LRTM1: variants seen among roughly 807,000 people sequenced by gnomAD.
LRTM1 encodes the protein leucine-rich repeat and transmembrane domain-containing protein 1.
A neutral mutation model predicts 32.4 loss-of-function variants in LRTM1; 38 were observed. The observed-to-expected ratio is 1.17, with a 90% CI of 0.91 to 1.54. LRTM1 has a LOEUF of 1.54. Ranked by LOEUF, LRTM1 falls within the 40% of genes most tolerant of loss-of-function variation. The pLI, the probability that LRTM1 is intolerant of heterozygous loss-of-function variation, is 0.00. For missense variants in LRTM1, 466 were observed against 415.4 expected (o/e 1.12, Z -1.06); for synonymous variants, 186 against 169.9 (o/e 1.09, Z -0.74).
intron 1 of LRTM1, among the ~76,000 whole-genome samples, chr3:54,933,807 A>G (rs773024967): frequency 8.7e-5 from 13 of 148,800 alleles, no homozygotes; most frequent in Non-Finnish European, 1.3e-4. Flanking sequence ...CATCCAGGCC[A>G]CTGCAGGCTA....
At chr3:54,926,500 TCAAATA>T (rs1701022099) in intron 1 of LRTM1, among the ~76,000 whole-genome samples, 1 of 111,084 alleles carries the variant, frequency 9.0e-6, no homozygotes, top group Non-Finnish European at 1.8e-5. Context: ...CCACTGCCTG[TCAAATA>T]CACACACACA....
At chr3:54,927,124 T>C (rs941914523) in intron 1 of LRTM1, among the ~76,000 whole-genome samples, 4 of 152,082 alleles carry the variant, frequency 2.6e-5, no homozygotes, top group Non-Finnish European at 4.4e-5. Context: ...GTTTGATTGA[T>C]TGTTTGCTTG....
intron 1 of LRTM1, among the ~76,000 whole-genome samples, chr3:54,945,993 T>C (rs17054586): frequency 0.19 from 29,096 of 152,188 alleles, 3,583 homozygotes; most frequent in African/African-American, 0.35. Flanking sequence ...CTTATTCGCC[T>C]AGCTCTTTCC....
intron 1 of LRTM1, 52 bp downstream of exon 1, chr3:54,927,853 C>G (rs374215134): frequency 6.3e-7 from 1 of 1,599,332 alleles, no homozygotes; most frequent in African/African-American, 1.3e-5. Context: ...TGAGGGGATA[C>G]CATCTTTCTC....
Position 54,957,124 on chromosome 3 carries a change from T to C in LRTM1, c.-222+9804A>G, listed in dbSNP as rs556603820. On this transcript the variant is annotated intron_variant, in intron 1 of 2. Coordinates refer to the LRTM1 transcript ENST00000493075. ...TGATTATTACTACTGCTATGATTAC[T>C]ATGTGATATAATTCCTATGAATCAA... Among the ~76,000 whole-genome samples the C allele has an allele frequency of 5.9e-5, 9 of 152,212 alleles. No individual in the cohort carries two copies. In the South Asian group the frequency reaches 1.5e-3, roughly 25 times the overall value.
At position 54,925,145 on chromosome 3, in the gene LRTM1, G is replaced by A. The variant is rs971050564; in HGVS notation, c.78C>T (p.Tyr26=). 2 of 1,614,094 alleles carry A rather than the reference G, an allele frequency of 1.2e-6. No homozygotes were observed. The highest frequency in any genetic ancestry group is 8.5e-7 in the Non-Finnish European group (1 of 1,180,006). The change falls in exon 2 of 3, where the codon TAC becomes TAT. Residue 26 remains tyrosine, a synonymous_variant. Transcript: ENST00000273286. ...QVVCSCPDKC[Y]CQSSTNFVDC... ...CTACAAAATTTGTAGATGACTGACA[G>A]TAACACTTGTCCGGGCAGCTGCATA...
intron 2 of LRTM1, among the ~76,000 whole-genome samples, chr3:54,920,300 T>A (rs1700805231): frequency 6.6e-6 from 1 of 152,224 alleles, no homozygotes; most frequent in Admixed American, 6.5e-5. Context: ...AGATAGGGCC[T>A]ATCTTGCAGT....
intron 1 of LRTM1, among the ~76,000 whole-genome samples, chr3:54,938,620 C>T (rs190777569): frequency 1.3e-5 from 2 of 150,542 alleles, no homozygotes; most frequent in African/African-American, 4.9e-5. Flanking sequence ...CCCTTAGTTA[C>T]CCCCACCCCC....
intron 1 of LRTM1, among the ~76,000 whole-genome samples, chr3:54,945,384 C>G (rs1485924036): frequency 6.6e-6 from 1 of 152,192 alleles, no homozygotes; most frequent in East Asian, 1.9e-4. Flanking sequence ...TAGGGCCACC[C>G]TGTCTTCAAA....
At chr3:54,943,251 A>T (rs2106991235) in intron 1 of LRTM1, among the ~76,000 whole-genome samples, 1 of 152,166 alleles carries the variant, frequency 6.6e-6, no homozygotes, top group Non-Finnish European at 1.5e-5. Flanking sequence ...AAAAAAGAAA[A>T]AAATCATGCC....
At chr3:54,927,123 A>G (rs1701044938) in intron 1 of LRTM1, among the ~76,000 whole-genome samples, 1 of 152,168 alleles carries the variant, frequency 6.6e-6, no homozygotes, top group Non-Finnish European at 1.5e-5. Context: ...TGTTTGATTG[A>G]TTGTTTGCTT....
At chr3:54,920,387 C>T (rs1192068110) in intron 2 of LRTM1, among the ~76,000 whole-genome samples, 1 of 151,706 alleles carries the variant, frequency 6.6e-6, no homozygotes, top group Non-Finnish European at 1.5e-5. Context: ...TTTTTGTTGC[C>T]ACTGCTTAAA....
intron 1 of LRTM1, among the ~76,000 whole-genome samples, chr3:54,955,106 C>T (rs1005193963): frequency 6.6e-6 from 1 of 152,078 alleles, no homozygotes; most frequent in Non-Finnish European, 1.5e-5. Flanking sequence ...TTCGAACGTA[C>T]GTAACATGGG....
rs139409901 is a variant in LRTM1, at chr3:54,921,781, G to A, written c.604+2838C>T. Among the ~76,000 whole-genome samples, 941 of 152,262 alleles carry A rather than the reference G, an allele frequency of 6.2e-3. 13 individuals are homozygous for A. Among genetic ancestry groups the A allele is most frequent in the African/African-American group, 0.022 (894 of 41,556 alleles). On this transcript the variant is annotated intron_variant, in intron 2 of 2. Transcript: ENST00000273286. ...AATGACTGCATGGAATGCAGACCATGCCCCCATTTCCTTTGAACTCTGCCA... is the reference window on the plus strand; with the variant it reads ...AATGACTGCATGGAATGCAGACCATACCCCCATTTCCTTTGAACTCTGCCA...
At chr3:54,953,886 A>G (rs1701818560) in intron 1 of LRTM1, among the ~76,000 whole-genome samples, 1 of 152,180 alleles carries the variant, frequency 6.6e-6, no homozygotes, top group Non-Finnish European at 1.5e-5. Context: ...GAGTCTGAGT[A>G]GCCTCTTGAG....
At chr3:54,924,595 G>T (rs774678019) in intron 2 of LRTM1, 24 bp downstream of exon 2, 2 of 1,553,712 alleles carry the variant, frequency 1.3e-6, no homozygotes, top group Non-Finnish European at 1.8e-6. Flanking sequence ...CACAGATGGG[G>T]GGTTCCAAAT....
intron 1 of LRTM1, among the ~76,000 whole-genome samples, chr3:54,939,697 T>C (rs1429840964): frequency 6.6e-6 from 1 of 152,212 alleles, no homozygotes; most frequent in Admixed American, 6.5e-5. Context: ...GTTTCCCTAT[T>C]CAGAAGCCGC....
chr3:54,938,833 A>C (rs1174557869), intron 1 of LRTM1, among the ~76,000 whole-genome samples: 1 of 152,198 alleles, frequency 6.6e-6, no homozygotes, highest in Non-Finnish European at 1.5e-5. Context: ...ATGATTCTAG[A>C]AAAGTCAGGG....
chr3:54,946,310 G>C (rs1388944648), intron 1 of LRTM1, among the ~76,000 whole-genome samples: 1 of 152,130 alleles, frequency 6.6e-6, no homozygotes, highest in Admixed American at 6.6e-5. Flanking sequence ...TACCCATCCT[G>C]TACATGTCTT....
Sources: gnomAD v4.1 joint callset for allele counts (sites outside exome capture counted in the v4.1 genomes callset) on GRCh38, gnomAD v4.1.1 for gene constraint, MANE v1.5 for transcripts, NCBI Gene and HGNC (gene_info 2026-07-23, HGNC 2026-07-21) for gene names.